CNBP: variants seen among roughly 807,000 people sequenced by gnomAD.
CNBP encodes CCHC-type zinc finger nucleic acid binding protein, also known as cellular nucleic acid-binding protein.
In CNBP, 6 loss-of-function variants were observed where a neutral mutation model predicts 21.2. That is an observed-to-expected ratio of 0.28 (90% CI 0.16 to 0.56). The LOEUF (loss-of-function observed/expected upper bound fraction) is 0.56, where lower values mean the gene tolerates loss of function less well. CNBP is among the 20% of genes least tolerant of loss of function. The pLI, the probability that CNBP is intolerant of heterozygous loss-of-function variation, is 0.93. For missense variants in CNBP, 112 were observed against 233.1 expected (o/e 0.48, Z 3.38); for synonymous variants, 61 against 74.9 (o/e 0.81, Z 0.96).
At position 129,169,079 on chromosome 3, in the gene CNBP, G is replaced by A. The variant is rs982131777; in HGVS notation, c.*1374C>T. On this transcript the variant is annotated 3_prime_UTR_variant, in exon 5 of 5. Coordinates refer to ENST00000422453, the MANE Select transcript of CNBP (RefSeq NM_003418.5). ...ATCGCACCACTACACTCCAGCCTGG[G>A]CAACAGAGCGACACTCTGTCTCAAA... Among the ~76,000 whole-genome samples the A allele has an allele frequency of 4.2e-4, 63 of 150,864 alleles. No individual in the cohort carries two copies. Among genetic ancestry groups the A allele is most frequent in the African/African-American group, 1.5e-3 (63 of 40,948 alleles).
chr3:129,176,668 G>A (rs1290012881), intron 1 of CNBP, among the ~76,000 whole-genome samples: 4 of 152,096 alleles, frequency 2.6e-5, no homozygotes, highest in Non-Finnish European at 5.9e-5. Flanking sequence ...TCTCAATTTT[G>A]TACTCACTAA....
At chr3:129,176,069 C>T (rs1317428752) in intron 1 of CNBP, among the ~76,000 whole-genome samples, 1 of 152,182 alleles carries the variant, frequency 6.6e-6, no homozygotes, top group Non-Finnish European at 1.5e-5. Flanking sequence ...AGCAGGTCCC[C>T]ATCCTAGCAC....
At chr3:129,182,032 A>AG (rs1476071632) in intron 1 of CNBP, among the ~76,000 whole-genome samples, 1 of 151,976 alleles carries the variant, frequency 6.6e-6, no homozygotes, top group African/African-American at 2.4e-5. Context: ...ACTATTTAGG[A>AG]GGGGGGAGGG....
chr3:129,182,549 A>G (rs1009732319), intron 1 of CNBP, among the ~76,000 whole-genome samples: 6 of 152,218 alleles, frequency 3.9e-5, no homozygotes, highest in Admixed American at 3.9e-4. Context: ...ATTCTAAAAC[A>G]GGTTCTCACG....
intron 1 of CNBP, among the ~76,000 whole-genome samples, chr3:129,172,744 A>C (rs1937639816): frequency 6.6e-6 from 1 of 150,768 alleles, no homozygotes; most frequent in African/African-American, 2.4e-5. Flanking sequence ...TGGCAGTAAT[A>C]CTCATTCACT....
At chr3:129,182,279 C>T (rs1475064231) in intron 1 of CNBP, among the ~76,000 whole-genome samples, 1 of 152,158 alleles carries the variant, frequency 6.6e-6, no homozygotes, top group Non-Finnish European at 1.5e-5. Flanking sequence ...AGACCTCCTT[C>T]ACTTTGAGAA....
At chr3:129,181,156 C>T (rs555068137) in intron 1 of CNBP, among the ~76,000 whole-genome samples, 2 of 139,070 alleles carry the variant, frequency 1.4e-5, no homozygotes, top group Non-Finnish European at 3.0e-5. Flanking sequence ...AGGAGAATTG[C>T]TTGAGCCCGG....
intron 1 of CNBP, among the ~76,000 whole-genome samples, chr3:129,175,811 A>G (rs1937864242): frequency 1.3e-5 from 2 of 152,208 alleles, no homozygotes; most frequent in South Asian, 2.1e-4. Flanking sequence ...CTTAAAAGGG[A>G]AGAAAAACAT....
chr3:129,174,349 TAA>T (rs56752888), intron 1 of CNBP, among the ~76,000 whole-genome samples: 12 of 63,156 alleles, frequency 1.9e-4, no homozygotes, highest in African/African-American at 6.4e-4. Context: ...GAGTCAGAAT[TAA>T]AAAAAAAAAA....
chr3:129,182,964 T>C (rs1053741808), intron 1 of CNBP, among the ~76,000 whole-genome samples: 2 of 151,006 alleles, frequency 1.3e-5, no homozygotes, highest in South Asian at 2.1e-4. Flanking sequence ...GTTTGTTTGT[T>C]TTTTTAAGAC....
At chr3:129,182,076 C>A (rs935609986) in intron 1 of CNBP, among the ~76,000 whole-genome samples, 20 of 151,150 alleles carry the variant, frequency 1.3e-4, no homozygotes, top group Non-Finnish European at 2.8e-4. Flanking sequence ...TATCTCTTAT[C>A]TTTTTGAAAC....
At chr3:129,174,363 A>AAAAAAAC (rs1553787753) in intron 1 of CNBP, among the ~76,000 whole-genome samples, 105 of 148,148 alleles carry the variant, frequency 7.1e-4, no homozygotes, top group African/African-American at 2.5e-3. Context: ...AAAAAAAAAA[A>AAAAAAAC]AAAAAAAAAA....
chr3:129,170,664 T>C (rs1937551452), intron 4 of CNBP, 94 bp from the exon 5 acceptor site: 1 of 933,822 alleles, frequency 1.1e-6, no homozygotes, highest in Admixed American at 1.8e-5. Context: ...GCCTGATCTT[T>C]GTTTTCATGC....
chr3:129,178,885 G>A (rs1378261193), intron 1 of CNBP, among the ~76,000 whole-genome samples: 1 of 151,988 alleles, frequency 6.6e-6, no homozygotes, highest in Non-Finnish European at 1.5e-5. Flanking sequence ...TGGGACTACA[G>A]GTGCCCACCA....
At chr3:129,171,418 G>T (rs754261539) in intron 3 of CNBP, 28 bp downstream of exon 3, 4 of 1,602,432 alleles carry the variant, frequency 2.5e-6, no homozygotes, top group Admixed American at 3.3e-5. Flanking sequence ...CTCTAGAGGG[G>T]TATGAAAAGG....
At chr3:129,182,381 G>A (rs531725978) in intron 1 of CNBP, among the ~76,000 whole-genome samples, 1 of 152,078 alleles carries the variant, frequency 6.6e-6, no homozygotes, top group African/African-American at 2.4e-5. Flanking sequence ...GACGATTACT[G>A]AGCAATGTTC....
intron 1 of CNBP, among the ~76,000 whole-genome samples, chr3:129,172,648 G>GCAGGCAGACAGGCAGC (rs1937618348): frequency 9.1e-6 from 1 of 110,454 alleles, no homozygotes; most frequent in African/African-American, 3.5e-5. Context: ...AGGCAGGCAG[G>GCAGGCAGACAGGCAGC]CAGGCAGGCA....
In CNBP at chr3:129,171,752, G is replaced by A; in HGVS notation, c.6C>T (p.Ser2=). ...GTCCACACTTGAAGCACTCATTGCTGCTCATGGCTGCAGTCAGATCTTTGA... is the reference window on the plus strand; with the variant it reads ...GTCCACACTTGAAGCACTCATTGCTACTCATGGCTGCAGTCAGATCTTTGA... M[S]SNECFKCGRS... The change falls in exon 2 of 5, where the codon AGC becomes AGT. Residue 2 remains serine, a synonymous_variant. Transcript: ENST00000422453. 6.2e-7 allele frequency: 1 copy of A among 1,613,724 alleles called. No homozygotes were observed. Among genetic ancestry groups the A allele is most frequent in the Non-Finnish European group, 8.5e-7 (1 of 1,179,900 alleles).
chr3:129,173,997 G>A (rs567636542), intron 1 of CNBP, among the ~76,000 whole-genome samples: 1 of 152,280 alleles, frequency 6.6e-6, no homozygotes, highest in South Asian at 2.1e-4. Context: ...CTGAAGTTGA[G>A]TTTCAAAAAG....
Sources: allele counts gnomAD v4.1 joint callset (sites outside exome capture counted in the v4.1 genomes callset), GRCh38; gene constraint gnomAD v4.1.1; transcripts MANE v1.5; gene names NCBI Gene and HGNC (gene_info 2026-07-23, HGNC 2026-07-21).